The following GATB variants were observed in gnomAD, a reference collection of about 807,000 sequenced individuals.
The protein encoded by GATB is glutamyl-tRNA(Gln) amidotransferase subunit B, mitochondrial.
In GATB, 39 loss-of-function variants were observed where a neutral mutation model predicts 62.3. The ratio of observed to expected loss-of-function variants is 0.63; its 90% confidence interval spans 0.48 to 0.82. The LOEUF (loss-of-function observed/expected upper bound fraction) is 0.82. Ranked by LOEUF, GATB falls within the 40% of genes least tolerant of loss-of-function variation. The probability of loss-of-function intolerance (pLI) is 0.00; values close to 1 mark genes in which losing one functional copy is unlikely to be tolerated. For missense variants in GATB, 670 were observed against 684.0 expected, an observed-to-expected ratio of 0.98 and a Z score of 0.23; for synonymous variants, 276 against 258.9, an observed-to-expected ratio of 1.07 and a Z score of -0.63.
intron 2 of GATB, among the ~76,000 whole-genome samples, chr4:151,740,861 G>A (rs2126992669): frequency 6.6e-6 from 1 of 152,238 alleles, no homozygotes; most frequent in South Asian, 2.1e-4. Context: ...AACAAAGCCT[G>A]TATGAACTAC....
rs909890997 is a variant in GATB at position 151,716,096 on chromosome 4, T to A, written c.676A>T (p.Met226Leu). The A allele has an allele frequency of 6.2e-7, 1 of 1,613,816 alleles. No homozygotes were observed. The highest frequency in any genetic ancestry group is 8.5e-7 in the Non-Finnish European group (1 of 1,179,922). Reference protein sequence around the residue: ...GLLEVVLEPDMSCGEEAATAV... With the variant: ...GLLEVVLEPDLSCGEEAATAV... ...GTTGCCGCCTCTTCTCCACAGGACATGTCGGGCTCCAGGACCACCTCCAGA... is the reference window on the plus strand; with the variant it reads ...GTTGCCGCCTCTTCTCCACAGGACAAGTCGGGCTCCAGGACCACCTCCAGA... Residue 226 changes from methionine (M) to leucine (L), a missense_variant, in exon 5 of 13, where the codon ATG (methionine) becomes TTG (leucine). By Grantham distance (15) the Met-to-Leu change is conservative. Coordinates refer to ENST00000263985, the MANE Select transcript of GATB (RefSeq NM_004564.3).
At chr4:151,726,272 C>T (rs1316619288) in intron 2 of GATB, among the ~76,000 whole-genome samples, 3 of 152,160 alleles carry the variant, frequency 2.0e-5, no homozygotes, top group East Asian at 1.9e-4. Flanking sequence ...AGTTACCACA[C>T]GGATAAATTT....
intron 10 of GATB, among the ~76,000 whole-genome samples, chr4:151,680,399 A>G (rs919909957): frequency 1.3e-5 from 2 of 152,146 alleles, no homozygotes; most frequent in South Asian, 4.1e-4. Context: ...CCACATTTTC[A>G]TCCATCCTCA....
intron 5 of GATB, among the ~76,000 whole-genome samples, chr4:151,712,260 G>A (rs1234221372): frequency 6.6e-6 from 1 of 152,134 alleles, no homozygotes; most frequent in Admixed American, 6.6e-5. Context: ...CAAAAGACAT[G>A]CTATCTAGTG....
Position 151,730,196 on chromosome 4 carries a change from C to T in GATB, c.328-10658G>A, listed in dbSNP as rs932364519. 1.9e-4 allele frequency among the ~76,000 whole-genome samples: 29 copies of T among 152,250 alleles called. No homozygotes were observed. The highest frequency in any genetic ancestry group is 1.8e-3 in the Admixed American group (28 of 15,300). ...AACCCGCATGACTCAGCAGAGGCAG[C>T]CATAAATCCTCCTAGGCACACAACT... On this transcript the variant is annotated intron_variant, in intron 2 of 12. Transcript: ENST00000263985. The surrounding 1 kb of genome is among the most constrained non-coding windows in gnomAD (Gnocchi z 4.1).
intron 2 of GATB, among the ~76,000 whole-genome samples, chr4:151,728,109 T>C (rs892020198): frequency 2.6e-5 from 4 of 152,222 alleles, no homozygotes; most frequent in African/African-American, 9.6e-5. Flanking sequence ...TCAGGGAGCT[T>C]ACAGGACTTC....
At chr4:151,694,769 A>G (rs1169847264) in intron 9 of GATB, among the ~76,000 whole-genome samples, 5 of 152,184 alleles carry the variant, frequency 3.3e-5, no homozygotes, top group African/African-American at 4.8e-5. Context: ...GGATATATAG[A>G]TATTTATCAT....
At chr4:151,727,889 T>C (rs1462284843) in intron 2 of GATB, among the ~76,000 whole-genome samples, 1 of 152,208 alleles carries the variant, frequency 6.6e-6, no homozygotes, top group East Asian at 1.9e-4. Flanking sequence ...TATGTTAACT[T>C]TTCCAGGAGG....
chr4:151,692,355 C>G (rs763415085), intron 9 of GATB, among the ~76,000 whole-genome samples: 2 of 152,204 alleles, frequency 1.3e-5, no homozygotes, highest in African/African-American at 2.4e-5. Flanking sequence ...GAGTGCCAGG[C>G]GCAATGGGAG....
chr4:151,731,835 C>T (rs1288470394), intron 2 of GATB, among the ~76,000 whole-genome samples: 11 of 151,478 alleles, frequency 7.3e-5, no homozygotes, highest in African/African-American at 2.4e-4. Flanking sequence ...GCCCCTCTGC[C>T]CGGCAGCCGC....
intron 6 of GATB, among the ~76,000 whole-genome samples, chr4:151,705,556 G>A (rs1238694932): frequency 1.3e-5 from 2 of 152,160 alleles, no homozygotes; most frequent in Non-Finnish European, 1.5e-5. Flanking sequence ...CAGAAGTGGG[G>A]CTGGGCCCAA....
chr4:151,737,946 C>T lies in GATB; in HGVS notation c.328-18408G>A, dbSNP rs760271517. 6.6e-5 allele frequency among the ~76,000 whole-genome samples: 10 copies of T among 152,086 alleles called. 1 individual carries two copies. Among genetic ancestry groups the T allele is most frequent in the East Asian group, 1.9e-4 (1 of 5,188 alleles). On this transcript the variant is annotated intron_variant, in intron 2 of 12. Transcript: ENST00000263985. ...TCCAGGCAAAAGTTTGCTGCAGGGGCGGGGTCACAATGGAGAACCTCTGCT... is the reference window on the plus strand; with the variant it reads ...TCCAGGCAAAAGTTTGCTGCAGGGGTGGGGTCACAATGGAGAACCTCTGCT...
In GATB at chr4:151,701,507, T is replaced by C. The variant is rs780198979; in HGVS notation, c.1019A>G (p.Glu340Gly). 1.9e-6 allele frequency: 3 copies of C among 1,557,744 alleles called. No homozygotes were observed. Among genetic ancestry groups the C allele is most frequent in the Non-Finnish European group, 2.6e-6 (3 of 1,149,014 alleles). Residue 340 changes from glutamate to glycine, a missense_variant, in exon 9 of 13, where the codon GAA becomes GGA. By Grantham distance (98) the Glu-to-Gly change is moderately conservative (BLOSUM62 -2). Coordinates refer to ENST00000263985, the MANE Select transcript of GATB (RefSeq NM_004564.3). ...EGKQDYRFMP[E>G]PNLPPLVLYD... Reference sequence around the variant, plus strand: ...GAGCACCAGGGGAGGCAGGTTGGGTTCTGGCATGAACCTGGGCAGACAGAG... The same window carrying C: ...GAGCACCAGGGGAGGCAGGTTGGGTCCTGGCATGAACCTGGGCAGACAGAG...
intron 2 of GATB, among the ~76,000 whole-genome samples, chr4:151,744,719 C>A (rs529133385): frequency 6.6e-6 from 1 of 152,076 alleles, no homozygotes; most frequent in South Asian, 2.1e-4. Flanking sequence ...TTTCAAGAAC[C>A]CACTGAAAGT....
At chr4:151,731,831 C>A (rs1350285196) in intron 2 of GATB, among the ~76,000 whole-genome samples, 6 of 151,372 alleles carry the variant, frequency 4.0e-5, no homozygotes, top group African/African-American at 1.5e-4. Context: ...AGGAGCCCCT[C>A]TGCCCGGCAG....
At chr4:151,759,199 T>G (rs2127002957) in intron 1 of GATB, among the ~76,000 whole-genome samples, 1 of 152,280 alleles carries the variant, frequency 6.6e-6, no homozygotes, top group Middle Eastern at 3.4e-3. Flanking sequence ...AAGGAACAAT[T>G]TGGCGTCTTA....
At chr4:151,754,653 AT>A (rs1227603228) in intron 2 of GATB, among the ~76,000 whole-genome samples, 3 of 152,226 alleles carry the variant, frequency 2.0e-5, no homozygotes, top group Admixed American at 2.0e-4. Context: ...GACAATCCTA[AT>A]TTTTTACTAA....
intron 2 of GATB, among the ~76,000 whole-genome samples, chr4:151,745,591 T>C (rs183860562): frequency 2.0e-5 from 3 of 152,368 alleles, no homozygotes; most frequent in East Asian, 3.9e-4. Flanking sequence ...TGCATACATA[T>C]GTTCCAGAAG....
At chr4:151,706,078 G>C (rs62327349) in intron 6 of GATB, among the ~76,000 whole-genome samples, 36,929 of 152,160 alleles carry the variant, frequency 0.24, 5,148 homozygotes, top group Non-Finnish European at 0.32. Flanking sequence ...GAGTTGCTAA[G>C]AGGCAGCAAC....
Sources: gnomAD v4.1 joint callset for allele counts (sites outside exome capture counted in the v4.1 genomes callset) on GRCh38, gnomAD v4.1.1 for gene constraint, Gnocchi (gnomAD v3.1) non-coding constraint, MANE v1.5 for transcripts, NCBI Gene and HGNC (gene_info 2026-07-23, HGNC 2026-07-21) for gene names.